Variants in STARD9 observed in about 807,000 individuals in gnomAD.
STARD9 encodes StAR related lipid transfer domain containing 9.
In STARD9, 346 loss-of-function variants were observed where a neutral mutation model predicts 399.8. That is an observed-to-expected ratio of 0.87 (90% CI 0.79 to 0.95). The LOEUF (loss-of-function observed/expected upper bound fraction) is 0.95. STARD9 is among the 40% of genes least tolerant of loss of function. STARD9 has a pLI of 0.00. For synonymous variants in STARD9, 2,203 were observed against 2,143.5 expected (o/e 1.03, Z -0.77); for missense variants, 5,832 against 5,667.5 (o/e 1.03, Z -0.93).
rs767959572 is a variant in STARD9, at chr15:42,688,363, G to C, written c.6785G>C (p.Ser2262Thr). 4.6e-6 allele frequency: 7 copies of C among 1,536,866 alleles called. No individual in the cohort carries two copies. The highest frequency in any genetic ancestry group is 6.1e-6 in the Non-Finnish European group (7 of 1,146,980). The change falls in exon 23 of 33, where the codon AGT (serine) becomes ACT (threonine). Residue 2262 changes from serine to threonine, a missense_variant. Coordinates refer to ENST00000290607, the MANE Select transcript of STARD9 (RefSeq NM_020759.3). The part of the protein sequence containing the change: ...FQESQVAEHV[S>T]SSNQEEPKAQ... ...GAAAGCCAAGTAGCTGAACACGTAA[G>C]TAGTTCCAACCAAGAAGAGCCAAAA...
chr15:42,588,815 T>G (rs1302119404), intron 3 of STARD9, among the ~76,000 whole-genome samples: 9 of 94,494 alleles, frequency 9.5e-5, no homozygotes, highest in African/African-American at 1.6e-4. Flanking sequence ...TTTTTTTTTT[T>G]GGAGTGGGGG....
Position 42,695,841 on chromosome 15 carries a change from C to G in STARD9, c.13245C>G (p.Ser4415Arg). ...SSGMTSGYNS[S>R]PALSGQLQFP... ...GCATGACCTCTGGCTATAATAGCAG[C>G]CCAGCCTTGTCAGGCCAGCTCCAGT... is the stretch of plus-strand genomic sequence containing the variant. The change falls in exon 26 of 33, where the codon AGC becomes AGG. Residue 4415 changes from serine to arginine, a missense_variant. Transcript: ENST00000290607. 6.5e-7 allele frequency: 1 copy of G among 1,537,248 alleles called. No individual in the cohort carries two copies. Among genetic ancestry groups the G allele is most frequent in the Non-Finnish European group, 8.7e-7 (1 of 1,146,878 alleles).
chr15:42,664,581 G>T (rs1447480808), intron 13 of STARD9, among the ~76,000 whole-genome samples: 2 of 152,092 alleles, frequency 1.3e-5, no homozygotes, highest in African/African-American at 4.8e-5. Context: ...TGCCCAGGCT[G>T]GTCTCAAACT....
chr15:42,713,890 C>A (rs2061299790), intron 26 of STARD9, among the ~76,000 whole-genome samples: 1 of 151,910 alleles, frequency 6.6e-6, no homozygotes, highest in South Asian at 2.1e-4. Flanking sequence ...GTAATTCTGG[C>A]CCTATAGAAT....
intron 8 of STARD9, 103 bp downstream of exon 8, chr15:42,651,188 G>C: frequency 5.0e-6 from 4 of 793,712 alleles, no homozygotes; most frequent in Non-Finnish European, 7.8e-6. Context: ...AATTGTCTCT[G>C]TGTGTAGAGA....
chr15:42,656,385 G>A (rs905140103), intron 9 of STARD9, among the ~76,000 whole-genome samples: 2 of 138,868 alleles, frequency 1.4e-5, no homozygotes, highest in African/African-American at 5.3e-5. Flanking sequence ...CCGTGGATAT[G>A]GTGAAAAGGG....
chr15:42,596,247 A>C (rs1056635286), intron 3 of STARD9, among the ~76,000 whole-genome samples: 1 of 152,200 alleles, frequency 6.6e-6, no homozygotes, highest in African/African-American at 2.4e-5. Context: ...GCCTAAGCAT[A>C]AATGGAGAGT....
At chr15:42,654,010 CATAA>C (rs1426797060) in intron 9 of STARD9, among the ~76,000 whole-genome samples, 2 of 152,000 alleles carry the variant, frequency 1.3e-5, no homozygotes, top group African/African-American at 2.4e-5. Flanking sequence ...TAAAGTAGAT[CATAA>C]ATAAAGATAT....
chr15:42,690,968 C>T lies in STARD9; in HGVS notation c.9390C>T (p.Thr3130=). The change falls in exon 23 of 33, where the codon ACC becomes ACT. Residue 3130 remains threonine (T), a synonymous_variant. Coordinates refer to ENST00000290607, the MANE Select transcript of STARD9 (RefSeq NM_020759.3). ...VGDQNAQVCQ[T]NPEPPATTQG... ...ACCAGAATGCACAGGTGTGTCAAACCAATCCAGAACCACCTGCAACAACTC... is the reference window on the plus strand; with the variant it reads ...ACCAGAATGCACAGGTGTGTCAAACTAATCCAGAACCACCTGCAACAACTC... 6.5e-7 allele frequency: 1 copy of T among 1,537,186 alleles called. No individual in the cohort carries two copies. The highest frequency in any genetic ancestry group is 8.7e-7 in the Non-Finnish European group (1 of 1,146,906).
intron 3 of STARD9, among the ~76,000 whole-genome samples, chr15:42,588,208 ATGTGTGTG>A (rs71947615): frequency 6.7e-6 from 1 of 150,372 alleles, no homozygotes; most frequent in East Asian, 2.0e-4. Context: ...TTAAAATTTT[ATGTGTGTG>A]TGTGTGTGTG....
chr15:42,616,306 T>C (rs1595642424), intron 3 of STARD9, among the ~76,000 whole-genome samples: 1 of 152,262 alleles, frequency 6.6e-6, no homozygotes, highest in African/African-American at 2.4e-5. Context: ...TTATTACTTT[T>C]GGCCAAAGGC....
intron 3 of STARD9, among the ~76,000 whole-genome samples, chr15:42,625,272 C>T (rs2059178716): frequency 6.6e-6 from 1 of 151,790 alleles, no homozygotes; most frequent in Non-Finnish European, 1.5e-5. Flanking sequence ...AGTGGTCCAC[C>T]CACCTCAGCC....
chr15:42,703,870 A>C (rs1462980172), intron 26 of STARD9, among the ~76,000 whole-genome samples: 1 of 151,470 alleles, frequency 6.6e-6, no homozygotes, highest in Non-Finnish European at 1.5e-5. Flanking sequence ...CACCTCCAGG[A>C]TTTCTGTTTG....
At position 42,692,644 on chromosome 15, in the gene STARD9, A is replaced by G. The variant is rs2060737372; in HGVS notation, c.11066A>G (p.His3689Arg). ...NLSLHLSQLL[H>R]STSELLGSLS... ...TCTCTCCACCTCTCACAGCTCCTGCACAGTACCTCAGAGCTGCTTGGGAGT... is the reference window on the plus strand; with the variant it reads ...TCTCTCCACCTCTCACAGCTCCTGCGCAGTACCTCAGAGCTGCTTGGGAGT... The change falls in exon 23 of 33, where the codon CAC (histidine) becomes CGC (arginine). Residue 3689 changes from histidine (H) to arginine (R), a missense_variant. By Grantham distance (29) the His-to-Arg change is conservative. Transcript: ENST00000290607. 8 of 1,537,088 alleles carry G rather than the reference A, an allele frequency of 5.2e-6. No individual in the cohort carries two copies. In the South Asian group the frequency reaches 7.1e-5, roughly 14 times the overall value.
At chr15:42,653,615 T>C (rs1790143859) in intron 9 of STARD9, among the ~76,000 whole-genome samples, 1 of 152,132 alleles carries the variant, frequency 6.6e-6, no homozygotes, top group Non-Finnish European at 1.5e-5. Flanking sequence ...GTCAGGGGGC[T>C]GAGATAATAT....
intron 3 of STARD9, among the ~76,000 whole-genome samples, chr15:42,615,664 G>T (rs980622658): frequency 2.6e-5 from 4 of 151,290 alleles, no homozygotes; most frequent in Non-Finnish European, 5.9e-5. Context: ...ATGTTATCTG[G>T]GAGTGAGAAT....
At chr15:42,710,590 T>C (rs1038303593) in intron 26 of STARD9, among the ~76,000 whole-genome samples, 4 of 152,212 alleles carry the variant, frequency 2.6e-5, no homozygotes, top group Admixed American at 2.6e-4. Context: ...ATATGATCCT[T>C]TTTGATGGCT....
chr15:42,626,450 C>A (rs1362058463), intron 3 of STARD9, among the ~76,000 whole-genome samples: 1 of 149,940 alleles, frequency 6.7e-6, no homozygotes, highest in East Asian at 1.9e-4. Context: ...TCTCCTCCTC[C>A]TCTTCCTTCT....
intron 26 of STARD9, among the ~76,000 whole-genome samples, chr15:42,697,876 G>A (rs1180965250): frequency 6.6e-6 from 1 of 152,052 alleles, no homozygotes; most frequent in African/African-American, 2.4e-5. Context: ...ACCTGTAAAA[G>A]GGATACAGGG....
Sources: gnomAD v4.1 joint callset for allele counts (sites outside exome capture counted in the v4.1 genomes callset) on GRCh38, gnomAD v4.1.1 for gene constraint, MANE v1.5 for transcripts, NCBI Gene and HGNC (gene_info 2026-07-23, HGNC 2026-07-21) for gene names.